Variants in SLC25A26 observed in about 807,000 individuals in gnomAD.
SLC25A26 encodes the protein solute carrier family 25 member 26.
SLC25A26 carries 36 observed loss-of-function variants against 37.8 expected under a neutral mutation model. The ratio of observed to expected loss-of-function variants is 0.95; its 90% confidence interval spans 0.73 to 1.26. The LOEUF (loss-of-function observed/expected upper bound fraction) is 1.26. Among genes scored for constraint, SLC25A26 ranks in the 50% most tolerant of loss-of-function variants. The probability of loss-of-function intolerance (pLI) is 0.00; values close to 1 mark genes in which losing one functional copy is unlikely to be tolerated. For missense variants in SLC25A26, 390 were observed against 331.1 expected (o/e 1.18, Z -1.38); for synonymous variants, 129 against 122.5 (o/e 1.05, Z -0.35).
chr3:66,243,228 A>C lies in SLC25A26; in HGVS notation c.216A>C (p.Glu72Asp), dbSNP rs2072665512. The C allele has an allele frequency of 6.2e-7, 1 of 1,606,406 alleles. No homozygotes were observed. The highest frequency in any genetic ancestry group is 2.2e-5 in the East Asian group (1 of 44,694). ...PNAAAFFITYEYVKWFLHADS... is the reference protein window; with the variant it reads ...PNAAAFFITYDYVKWFLHADS... ...CTGCTGCATTTTTTATCACCTATGA[A>C]TATGTGAAGTGGTTTTTGCATGCTG... is the stretch of plus-strand genomic sequence containing the variant. Residue 72 changes from glutamate (E) to aspartate (D), a missense_variant, in exon 3 of 10, where the codon GAA (glutamate) becomes GAC (aspartate). Coordinates refer to ENST00000354883, the MANE Select transcript of SLC25A26 (RefSeq NM_001379210.1).
chr3:66,304,272 A>G (rs1378960386), intron 5 of SLC25A26, among the ~76,000 whole-genome samples: 2 of 152,332 alleles, frequency 1.3e-5, no homozygotes, highest in East Asian at 3.9e-4. Context: ...AGGATTATAC[A>G]GGGCGGGTAC....
chr3:66,220,946 C>A, upstream of SLC25A26: 2 of 832,164 alleles, frequency 2.4e-6, no homozygotes, highest in Non-Finnish European at 3.9e-6. Flanking sequence ...AGGTGTCTCG[C>A]GTTGCACGTG....
At chr3:66,256,209 G>A (rs1436268966) in intron 3 of SLC25A26, among the ~76,000 whole-genome samples, 1 of 151,736 alleles carries the variant, frequency 6.6e-6, no homozygotes, top group East Asian at 1.9e-4. Flanking sequence ...TTAGATGCTG[G>A]GAGCTGTCCT....
chr3:66,291,339 CT>C lies in SLC25A26; in HGVS notation c.453+27962del, dbSNP rs567154735. ...ATTTCTGCTCGTAGTTATTTCTTGT[CT>C]TCTGCTAGCGTTTGAATTTGTTTGC... On this transcript the variant is annotated intron_variant, in intron 5 of 9. Coordinates refer to ENST00000354883, the MANE Select transcript of SLC25A26 (RefSeq NM_001379210.1). Among the ~76,000 whole-genome samples, 733 of 152,036 alleles carry C rather than the reference CT, an allele frequency of 4.8e-3. 10 individuals carry two copies. Among genetic ancestry groups the C allele is most frequent in the African/African-American group, 0.013 (537 of 41,476 alleles).
At chr3:66,251,943 A>G (rs2073101231) in intron 3 of SLC25A26, among the ~76,000 whole-genome samples, 1 of 151,368 alleles carries the variant, frequency 6.6e-6, no homozygotes, top group Non-Finnish European at 1.5e-5. Context: ...TTAACTTTTT[A>G]TTTAAGAGCT....
At chr3:66,265,288 CAG>C (rs1035097261) in intron 5 of SLC25A26, among the ~76,000 whole-genome samples, 4 of 151,786 alleles carry the variant, frequency 2.6e-5, no homozygotes, top group African/African-American at 7.3e-5. Context: ...GCCTGGGTGA[CAG>C]AGAGACCCTG....
chr3:66,158,443 G>T (rs186517694), intron 1 of SLC25A26, among the ~76,000 whole-genome samples: 1 of 152,102 alleles, frequency 6.6e-6, no homozygotes, highest in Non-Finnish European at 1.5e-5. Flanking sequence ...TGGATGTTAC[G>T]TTTTGAATTT....
chr3:66,237,437 G>A (rs564264858), intron 2 of SLC25A26, among the ~76,000 whole-genome samples: 145 of 152,358 alleles, frequency 9.5e-4, no homozygotes, highest in African/African-American at 3.3e-3. Context: ...AGGTGACTCC[G>A]CTGTGAAGCC....
intron 1 of SLC25A26, among the ~76,000 whole-genome samples, chr3:66,134,465 A>G (rs2069916868): frequency 6.6e-6 from 1 of 152,218 alleles, no homozygotes. Flanking sequence ...AGAACCAGCC[A>G]ATCTGGGGCC....
intron 7 of SLC25A26, among the ~76,000 whole-genome samples, chr3:66,365,534 G>A (rs1007865182): frequency 6.6e-6 from 1 of 152,078 alleles, no homozygotes; most frequent in African/African-American, 2.4e-5. Context: ...TGCTACTATA[G>A]TGGTATTTGG....
At chr3:66,281,989 ATTTTGCATTTTTTTT>A (rs1345506633) in intron 5 of SLC25A26, among the ~76,000 whole-genome samples, 1 of 104,626 alleles carries the variant, frequency 9.6e-6, no homozygotes, top group Non-Finnish European at 1.8e-5. Context: ...CACCCAACTG[ATTTTGCATTTTTTTT>A]TTTTTTTTTT....
intron 5 of SLC25A26, chr3:66,304,345 C>T (rs2075157299): frequency 4.6e-6 from 2 of 435,994 alleles, no homozygotes; most frequent in South Asian, 1.7e-5. Flanking sequence ...GATTCTGGAG[C>T]ATACTTTTTC....
chr3:66,209,087 G>GATGT (rs1553656037), intron 1 of SLC25A26, among the ~76,000 whole-genome samples: 1 of 39,992 alleles, frequency 2.5e-5, no homozygotes, highest in African/African-American at 1.2e-4. Context: ...CCCATATAAA[G>GATGT]ATGTATATAT....
At chr3:66,354,521 A>AT (rs1235670918) in intron 6 of SLC25A26, among the ~76,000 whole-genome samples, 1 of 152,224 alleles carries the variant, frequency 6.6e-6, no homozygotes, top group African/African-American at 2.4e-5. Context: ...GCAGTACTAC[A>AT]TAAAAGCTAT....
chr3:66,277,664 C>A (rs1447334044), intron 5 of SLC25A26, among the ~76,000 whole-genome samples: 1 of 151,942 alleles, frequency 6.6e-6, no homozygotes, highest in East Asian at 1.9e-4. Flanking sequence ...AGAAGTATTT[C>A]CCCAAAGCTA....
chr3:66,201,560 T>G (rs945397259), intron 1 of SLC25A26, among the ~76,000 whole-genome samples: 6 of 152,256 alleles, frequency 3.9e-5, no homozygotes, highest in Non-Finnish European at 8.8e-5. Flanking sequence ...GGTCTAAAAC[T>G]CCTGGGCCCA....
At chr3:66,148,161 T>G (rs185730917) in intron 1 of SLC25A26, among the ~76,000 whole-genome samples, 1 of 152,376 alleles carries the variant, frequency 6.6e-6, no homozygotes, top group East Asian at 1.9e-4. Flanking sequence ...GAGCATTTTT[T>G]CATATGTTTG....
intron 1 of SLC25A26, among the ~76,000 whole-genome samples, chr3:66,183,043 G>A (rs2070746940): frequency 6.6e-6 from 1 of 152,010 alleles, no homozygotes; most frequent in Non-Finnish European, 1.5e-5. Context: ...GCACCTCTAA[G>A]GCCTAGGGTG....
At chr3:66,239,493 T>G (rs150188858) in intron 2 of SLC25A26, among the ~76,000 whole-genome samples, 20,905 of 152,206 alleles carry the variant, frequency 0.14, 1,631 homozygotes, top group East Asian at 0.31. Flanking sequence ...GTTTACTGAC[T>G]CATGGATGGC....
Sources: allele counts gnomAD v4.1 joint callset (sites outside exome capture counted in the v4.1 genomes callset), GRCh38; gene constraint gnomAD v4.1.1; transcripts MANE v1.5; gene names NCBI Gene and HGNC (gene_info 2026-07-23, HGNC 2026-07-21).